BICC1: variants seen among roughly 807,000 people sequenced by gnomAD.
BICC1 encodes the protein BicC family RNA binding protein 1, also known as protein bicaudal C homolog 1.
Under a neutral mutation model 111.0 loss-of-function variants are expected in BICC1, and 43 were observed. The observed-to-expected ratio is 0.39, with a 90% CI of 0.30 to 0.50. The LOEUF is 0.50. Ranked by LOEUF, BICC1 falls within the 20% of genes least tolerant of loss-of-function variation. The pLI, the probability that BICC1 is intolerant of heterozygous loss-of-function variation, is 0.88. For synonymous variants in BICC1, 467 were observed against 434.4 expected, an observed-to-expected ratio of 1.07 and a Z score of -0.93; for missense variants, 1,091 against 1,203.2, an observed-to-expected ratio of 0.91 and a Z score of 1.38.
intron 3 of BICC1, among the ~76,000 whole-genome samples, chr10:58,752,068 TG>T (rs1842005231): frequency 6.6e-6 from 1 of 152,152 alleles, no homozygotes; most frequent in South Asian, 2.1e-4. Flanking sequence ...GACATAAAAT[TG>T]GATGTTGTAT....
At chr10:58,632,608 G>C (rs1442146754) in intron 2 of BICC1, among the ~76,000 whole-genome samples, 1 of 152,112 alleles carries the variant, frequency 6.6e-6, no homozygotes, top group African/African-American at 2.4e-5. Context: ...AATTTAACTA[G>C]TATGTTGGGT....
chr10:58,663,289 A>T (rs561966987), intron 2 of BICC1, among the ~76,000 whole-genome samples: 115 of 151,680 alleles, frequency 7.6e-4, no homozygotes, highest in Non-Finnish European at 1.4e-3. Context: ...CTGGTCTCGA[A>T]CTCCTGTCCT....
intron 1 of BICC1, among the ~76,000 whole-genome samples, chr10:58,536,667 C>T (rs1238408496): frequency 6.6e-6 from 1 of 151,592 alleles, no homozygotes; most frequent in East Asian, 1.9e-4. Flanking sequence ...AGAAAAAGAA[C>T]AAACCAAACT....
chr10:58,648,599 T>C (rs1019888072), intron 2 of BICC1: 4 of 980,508 alleles, frequency 4.1e-6, no homozygotes, highest in African/African-American at 3.5e-5. Context: ...CTCTCTCTCT[T>C]TCTCTCTCTC....
intron 2 of BICC1, among the ~76,000 whole-genome samples, chr10:58,642,415 G>A (rs1433690700): frequency 2.0e-5 from 3 of 152,138 alleles, no homozygotes; most frequent in Admixed American, 6.5e-5. Flanking sequence ...ACTTTGGTTG[G>A]TTAGAGGAAG....
chr10:58,682,166 C>T (rs1000634115), intron 2 of BICC1, among the ~76,000 whole-genome samples: 15 of 152,018 alleles, frequency 9.9e-5, no homozygotes, highest in Admixed American at 8.5e-4. Context: ...TGGTTTCCAG[C>T]TTCATCCATG....
intron 8 of BICC1, among the ~76,000 whole-genome samples, chr10:58,791,250 A>G (rs1198997950): frequency 6.6e-6 from 1 of 152,078 alleles, no homozygotes; most frequent in African/African-American, 2.4e-5. Context: ...AGTTCTTTAG[A>G]TGTTATTTTT....
intron 2 of BICC1, among the ~76,000 whole-genome samples, chr10:58,701,073 A>G (rs559187531): frequency 6.6e-6 from 1 of 152,206 alleles, no homozygotes; most frequent in African/African-American, 2.4e-5. Context: ...GTACGTAGCC[A>G]GTACTGAGGA....
Position 58,793,548 on chromosome 10 carries a change from T to G in BICC1, c.1112T>G (p.Ile371Ser). The change falls in exon 9 of 21, where the codon ATT (isoleucine) becomes AGT (serine). Residue 371 changes from isoleucine (I) to serine (S), a missense_variant. By Grantham distance (142) the Ile-to-Ser change is moderately radical. Coordinates refer to ENST00000373886, the MANE Select transcript of BICC1 (RefSeq NM_001080512.3). ...GAAATTGAAGTAGATCCACAATTCATTGCGCAGTTGATGGAACAGCTTGAT... is the reference window on the plus strand; with the variant it reads ...GAAATTGAAGTAGATCCACAATTCAGTGCGCAGTTGATGGAACAGCTTGAT... ...KEEIEVDPQF[I>S]AQLMEQLDVF... 6.2e-7 allele frequency: 1 copy of G among 1,613,766 alleles called. No individual in the cohort carries two copies. Among genetic ancestry groups the G allele is most frequent in the Non-Finnish European group, 8.5e-7 (1 of 1,179,760 alleles).
chr10:58,630,350 A>C (rs557174802), intron 2 of BICC1, among the ~76,000 whole-genome samples: 1 of 152,296 alleles, frequency 6.6e-6, no homozygotes, highest in East Asian at 1.9e-4. Context: ...CAGAGGGGGA[A>C]AAAGATGTTC....
In BICC1 at chr10:58,745,024, C is replaced by T. The variant is rs188336797; in HGVS notation, c.308-39977C>T. On this transcript the variant is annotated intron_variant, in intron 3 of 20. Transcript: ENST00000373886. The stretch of plus-strand genomic sequence containing the variant: ...AGGCCTTAAATTAGATTTTCTATCT[C>T]CTGTTATGACCCTGTTCTGCTACAT... 4.2e-3 allele frequency among the ~76,000 whole-genome samples: 640 copies of T among 152,242 alleles called. 5 individuals are homozygous for T. Among genetic ancestry groups the T allele is most frequent in the African/African-American group, 0.015 (611 of 41,558 alleles).
chr10:58,685,845 G>T (rs1196760160), intron 2 of BICC1, among the ~76,000 whole-genome samples: 3 of 152,076 alleles, frequency 2.0e-5, no homozygotes, highest in Non-Finnish European at 4.4e-5. Flanking sequence ...CTTTTAATTG[G>T]AGCATTTAGC....
At chr10:58,681,459 C>G (rs1839517863) in intron 2 of BICC1, among the ~76,000 whole-genome samples, 1 of 152,156 alleles carries the variant, frequency 6.6e-6, no homozygotes, top group Admixed American at 6.5e-5. Flanking sequence ...CAATGAGATA[C>G]CATCTCCAGT....
intron 1 of BICC1, among the ~76,000 whole-genome samples, chr10:58,574,579 G>A (rs568496861): frequency 6.6e-6 from 1 of 152,228 alleles, no homozygotes; most frequent in African/African-American, 2.4e-5. Context: ...CAGTTTTCAA[G>A]CATTTTGATT....
intron 20 of BICC1, chr10:58,824,222 C>A: frequency 2.4e-6 from 1 of 409,100 alleles, no homozygotes; most frequent in Non-Finnish European, 3.3e-6. Flanking sequence ...GAGGTTTCAC[C>A]TCTGTCACTT....
intron 3 of BICC1, among the ~76,000 whole-genome samples, chr10:58,719,823 T>C (rs932951505): frequency 2.0e-5 from 3 of 152,230 alleles, no homozygotes; most frequent in Admixed American, 6.5e-5. Context: ...TATTCTGTTA[T>C]CTTTTGAATA....
At chr10:58,812,977 T>C (rs1843958937) in intron 17 of BICC1, among the ~76,000 whole-genome samples, 1 of 151,992 alleles carries the variant, frequency 6.6e-6, no homozygotes, top group South Asian at 2.1e-4. Context: ...CACAGTGAGG[T>C]AGGTGGAAAA....
rs1385678630 is a variant in BICC1 at position 58,831,178 on chromosome 10, AGTT to A, written c.*2294_*2296del. 1.6e-4 allele frequency: 25 copies of A among 152,294 alleles called. No individual in the cohort carries two copies. Among genetic ancestry groups the A allele is most frequent in the East Asian group, 1.2e-3 (6 of 5,178 alleles). The allele number at this position is 152,294 out of a possible 1,614,324, so 9.4% of individuals were successfully genotyped here. A position where few individuals can be genotyped will look rare whatever the true frequency, so the allele number is the denominator to read the frequency against. Reference sequence around the variant, plus strand: ...GGGAATATGACACTACAGTATACAGAGTTGTTGTTATATGATGCACAAAATATT... The same window carrying A: ...GGGAATATGACACTACAGTATACAGAGTTGTTATATGATGCACAAAATATT... On this transcript the variant is annotated 3_prime_UTR_variant, in exon 21 of 21. Coordinates refer to ENST00000373886, the MANE Select transcript of BICC1 (RefSeq NM_001080512.3).
chr10:58,537,229 A>G (rs1186060857), intron 1 of BICC1, among the ~76,000 whole-genome samples: 1 of 151,874 alleles, frequency 6.6e-6, no homozygotes, highest in African/African-American at 2.4e-5. Flanking sequence ...AGTCAGTATC[A>G]TCCTGATACC....
Sources: gnomAD v4.1 joint callset for allele counts (sites outside exome capture counted in the v4.1 genomes callset) on GRCh38, gnomAD v4.1.1 for gene constraint, MANE v1.5 for transcripts, NCBI Gene and HGNC (gene_info 2026-07-23, HGNC 2026-07-21) for gene names.